KCNH8: variants seen among roughly 807,000 people sequenced by gnomAD.
KCNH8 encodes the protein potassium voltage-gated channel subfamily H member 8.
A neutral mutation model predicts 103.6 loss-of-function variants in KCNH8; 70 were observed. That is an observed-to-expected ratio of 0.68 (90% CI 0.56 to 0.82). KCNH8 has a LOEUF of 0.82. KCNH8 is among the 40% of genes least tolerant of loss of function. The pLI is 0.00. For synonymous variants in KCNH8, 498 were observed against 489.4 expected, an observed-to-expected ratio of 1.02 and a Z score of -0.23; for missense variants, 1,217 against 1,329.9, an observed-to-expected ratio of 0.92 and a Z score of 1.32.
chr3:19,319,515 T>C (rs2065321619), intron 3 of KCNH8, among the ~76,000 whole-genome samples: 1 of 152,134 alleles, frequency 6.6e-6, no homozygotes, highest in Non-Finnish European at 1.5e-5. Flanking sequence ...TTCTTTTCCA[T>C]TGGTCTATAT....
chr3:19,380,980 A>G (rs1423484966), intron 5 of KCNH8, among the ~76,000 whole-genome samples: 1 of 152,238 alleles, frequency 6.6e-6, no homozygotes, highest in African/African-American at 2.4e-5. Flanking sequence ...CTCTTAATTG[A>G]GCATAGTTCT....
chr3:19,216,304 C>T (rs556510055), intron 1 of KCNH8, among the ~76,000 whole-genome samples: 196 of 152,300 alleles, frequency 1.3e-3, no homozygotes, highest in African/African-American at 4.5e-3. Context: ...CCTACTTCTC[C>T]ATCAGGGACG....
intron 1 of KCNH8, among the ~76,000 whole-genome samples, chr3:19,172,448 GA>G (rs1234782957): frequency 6.6e-6 from 1 of 152,022 alleles, no homozygotes; most frequent in Non-Finnish European, 1.5e-5. Context: ...AAGAATAATA[GA>G]AAGTGTTTTT....
chr3:19,276,175 ATGTGTGTG>A (rs59768467), intron 2 of KCNH8, among the ~76,000 whole-genome samples: 6,978 of 141,960 alleles, frequency 0.049, 582 homozygotes, highest in African/African-American at 0.17. Context: ...CAATATGTAT[ATGTGTGTG>A]TGTGTGTGTG....
rs553774580 is a variant in KCNH8, at chr3:19,474,783, A to G, written c.2040+17801A>G. On this transcript the variant is annotated intron_variant, in intron 11 of 15. Transcript: ENST00000328405. ...TATGATGACTGATTCGTGTGACTGC[A>G]TTTTGCCAGCATTCATAAACAGTCC... Among the ~76,000 whole-genome samples, 3 of 152,282 alleles carry G rather than the reference A, an allele frequency of 2.0e-5. No homozygotes were observed. In the South Asian group the frequency reaches 6.2e-4, roughly 32 times the overall value.
At chr3:19,302,467 T>A (rs971693844) in intron 3 of KCNH8, among the ~76,000 whole-genome samples, 2 of 152,176 alleles carry the variant, frequency 1.3e-5, no homozygotes, top group African/African-American at 4.8e-5. Context: ...CTTTAAAGCT[T>A]TATTTCTTCA....
chr3:19,305,881 T>C (rs1193923457), intron 3 of KCNH8, among the ~76,000 whole-genome samples: 3 of 151,952 alleles, frequency 2.0e-5, no homozygotes, highest in Admixed American at 1.3e-4. Flanking sequence ...GGTTAGGGGA[T>C]GGGATATAAG....
chr3:19,417,050 T>G (rs1453914375), intron 7 of KCNH8, among the ~76,000 whole-genome samples: 1 of 151,864 alleles, frequency 6.6e-6, no homozygotes, highest in Non-Finnish European at 1.5e-5. Flanking sequence ...TTCCCACCTC[T>G]TCCCCTGTCA....
chr3:19,292,682 T>C (rs935111932), intron 3 of KCNH8, among the ~76,000 whole-genome samples: 1 of 152,196 alleles, frequency 6.6e-6, no homozygotes, highest in Non-Finnish European at 1.5e-5. Flanking sequence ...CTTTTGGCCC[T>C]TCTGCTCTGC....
At chr3:19,212,896 C>G (rs563826153) in intron 1 of KCNH8, among the ~76,000 whole-genome samples, 3 of 152,222 alleles carry the variant, frequency 2.0e-5, no homozygotes, top group South Asian at 4.2e-4. Context: ...ACTTTTGGGT[C>G]TCAGAAGAGA....
At chr3:19,487,956 AG>A (rs1379941915) in intron 11 of KCNH8, among the ~76,000 whole-genome samples, 1 of 152,164 alleles carries the variant, frequency 6.6e-6, no homozygotes, top group Non-Finnish European at 1.5e-5. Flanking sequence ...TTCTCGGGTA[AG>A]GGGGTGACCG....
In KCNH8 at chr3:19,417,220, ATG is replaced by A. The variant is rs113532154; in HGVS notation, c.1178-20936_1178-20935del. ...AATATATATATATTCATATATGTAT[ATG>A]TGTGTGTATATATATATATATTTCC... is the stretch of plus-strand genomic sequence containing the variant. On this transcript the variant is annotated intron_variant, in intron 7 of 15. Transcript: ENST00000328405. Among the ~76,000 whole-genome samples the A allele has an allele frequency of 4.7e-5, 7 of 149,008 alleles. No individual in the cohort carries two copies. In the East Asian group the frequency reaches 5.9e-4, roughly 13 times the overall value.
chr3:19,495,040 G>A (rs901054887), intron 11 of KCNH8, among the ~76,000 whole-genome samples: 1 of 151,978 alleles, frequency 6.6e-6, no homozygotes, highest in Non-Finnish European at 1.5e-5. Flanking sequence ...ACTTTTTTAT[G>A]GGGTTGTTTC....
intron 7 of KCNH8, among the ~76,000 whole-genome samples, chr3:19,409,077 C>T (rs1278575543): frequency 6.6e-6 from 1 of 151,916 alleles, no homozygotes; most frequent in African/African-American, 2.4e-5. Flanking sequence ...ACTAGACTAT[C>T]CAAGGTCAGC....
intron 11 of KCNH8, among the ~76,000 whole-genome samples, chr3:19,457,225 T>C (rs2067547361): frequency 6.6e-6 from 1 of 152,038 alleles, no homozygotes; most frequent in Non-Finnish European, 1.5e-5. Flanking sequence ...TTCTTGTTTC[T>C]TTTCATATGC....
chr3:19,317,826 C>T (rs1184622744), intron 3 of KCNH8, among the ~76,000 whole-genome samples: 1 of 151,768 alleles, frequency 6.6e-6, no homozygotes, highest in East Asian at 1.9e-4. Context: ...GAACATACCT[C>T]AAAATAATAA....
At chr3:19,376,547 A>G (rs920929652) in intron 5 of KCNH8, among the ~76,000 whole-genome samples, 3 of 152,062 alleles carry the variant, frequency 2.0e-5, no homozygotes, top group African/African-American at 7.2e-5. Flanking sequence ...AAATGCAGAA[A>G]TCACCCGTCT....
chr3:19,392,027 A>G (rs994538576), intron 6 of KCNH8, among the ~76,000 whole-genome samples: 4 of 151,588 alleles, frequency 2.6e-5, no homozygotes, highest in African/African-American at 9.7e-5. Context: ...ACTAAAAGCG[A>G]ATACTTTTTT....
intron 1 of KCNH8, among the ~76,000 whole-genome samples, chr3:19,233,507 T>C (rs1421011562): frequency 6.6e-6 from 1 of 152,098 alleles, no homozygotes; most frequent in Non-Finnish European, 1.5e-5. Context: ...ACTGTTAGAG[T>C]TTATCCTACA....
Sources: allele counts gnomAD v4.1 joint callset (sites outside exome capture counted in the v4.1 genomes callset), GRCh38; gene constraint gnomAD v4.1.1; transcripts MANE v1.5; gene names NCBI Gene and HGNC (gene_info 2026-07-23, HGNC 2026-07-21).